LAMP3: variants seen among roughly 807,000 people sequenced by gnomAD.
LAMP3 encodes lysosome associated membrane protein 3.
Under a neutral mutation model 34.8 loss-of-function variants are expected in LAMP3, and 26 were observed. The ratio of observed to expected loss-of-function variants is 0.75; its 90% confidence interval spans 0.55 to 1.04. The LOEUF is 1.04. LAMP3 is among the 50% of genes least tolerant of loss of function. LAMP3 has a pLI of 0.00. For missense variants in LAMP3, 495 were observed against 524.0 expected, an observed-to-expected ratio of 0.94 and a Z score of 0.54; for synonymous variants, 180 against 201.9, an observed-to-expected ratio of 0.89 and a Z score of 0.92.
chr3:183,153,793 A>C lies in LAMP3; in HGVS notation c.648T>G (p.Leu216=). 2 of 1,587,622 alleles carry C rather than the reference A, an allele frequency of 1.3e-6. No individual in the cohort carries two copies. The highest frequency in any genetic ancestry group is 8.6e-7 in the Non-Finnish European group (1 of 1,166,868). The change falls in exon 2 of 6, where the codon CTT becomes CTG. Residue 216 remains leucine, a synonymous_variant. Transcript: ENST00000265598. Reference sequence around the variant, plus strand: ...TCTTGACTGACGATGGCTGAGGTGCAAGGGTGGGCCCAGGAACCGTGGAGG... The same window carrying C: ...TCTTGACTGACGATGGCTGAGGTGCCAGGGTGGGCCCAGGAACCGTGGAGG... ...APASTVPGPT[L]APQPSSVKTG...
rs1223942855 is a variant in LAMP3 at position 183,152,424 on chromosome 3, T to C, written c.839A>G (p.Asn280Ser). The change falls in exon 3 of 6, where the codon AAC becomes AGC. Residue 280 changes from asparagine to serine, a missense_variant. By Grantham distance (46) the Asn-to-Ser change is conservative (BLOSUM62 1). Coordinates refer to ENST00000265598, the MANE Select transcript of LAMP3 (RefSeq NM_014398.4). ...TCCGCCCTGAAAATTCAACAGAAGGTTGGATTTTCGGGTGCCACAGTTCCC... is the reference window on the plus strand; with the variant it reads ...TCCGCCCTGAAAATTCAACAGAAGGCTGGATTTTCGGGTGCCACAGTTCCC... Reference protein sequence around the residue: ...ASGNCGTRKSNLLLNFQGGFV... With the variant: ...ASGNCGTRKSSLLLNFQGGFV... The C allele has an allele frequency of 1.2e-6, 2 of 1,612,714 alleles. No homozygotes were observed. The highest frequency in any genetic ancestry group is 8.5e-7 in the Non-Finnish European group (1 of 1,179,512).
At chr3:183,137,665 CA>C (rs922084755) in intron 4 of LAMP3, among the ~76,000 whole-genome samples, 13 of 152,174 alleles carry the variant, frequency 8.5e-5, no homozygotes, top group African/African-American at 3.1e-4. Flanking sequence ...ACCGTAATTA[CA>C]ACTGATTACT....
rs760457465 is a variant in LAMP3 at position 183,162,470 on chromosome 3, C to A, written c.49+137G>T. 1.6e-4 allele frequency: 130 copies of A among 830,296 alleles called. 1 individual carries two copies. The highest frequency in any genetic ancestry group is 3.8e-4 in the South Asian group (26 of 67,724). 51.4% of individuals were successfully genotyped at this position (830,296 alleles called of 1,614,324 possible). ...CTGAGTAACTCACGGAAAACAAGTT[C>A]CAGCTGGGAAGCCCTTGGACGCGCC... On this transcript the variant is annotated intron_variant, in intron 1 of 5. Coordinates refer to ENST00000265598, the MANE Select transcript of LAMP3 (RefSeq NM_014398.4).
chr3:183,142,101 T>A (rs1720301797), intron 3 of LAMP3, among the ~76,000 whole-genome samples: 1 of 152,202 alleles, frequency 6.6e-6, no homozygotes, highest in Non-Finnish European at 1.5e-5. Context: ...ACATCTCTTT[T>A]AAAAAGAGAC....
At chr3:183,161,873 G>C (rs1417239838) in intron 1 of LAMP3, 2 of 659,500 alleles carry the variant, frequency 3.0e-6, no homozygotes, top group African/African-American at 3.9e-5. Context: ...AAAGTGTGGC[G>C]CAGGGGAGAA....
At chr3:183,149,010 T>TA (rs1275638436) in intron 3 of LAMP3, among the ~76,000 whole-genome samples, 1 of 152,032 alleles carries the variant, frequency 6.6e-6, no homozygotes, top group African/African-American at 2.4e-5. Flanking sequence ...TATTCAGCTG[T>TA]AAAAAAGAAT....
At chr3:183,127,169 C>G (rs1161429386) in intron 5 of LAMP3, among the ~76,000 whole-genome samples, 1 of 152,262 alleles carries the variant, frequency 6.6e-6, no homozygotes, top group South Asian at 2.1e-4. Flanking sequence ...GGGTCTTGCT[C>G]TGTTGCCCAG....
chr3:183,147,613 CA>C (rs1038060740), intron 3 of LAMP3, among the ~76,000 whole-genome samples: 1 of 69,492 alleles, frequency 1.4e-5, no homozygotes, highest in African/African-American at 4.2e-5. Context: ...TCAATGAAAA[CA>C]ATTTTTTTTT....
chr3:183,153,641 C>T (rs754604726), intron 2 of LAMP3, 41 bp downstream of exon 2: 3 of 1,408,164 alleles, frequency 2.1e-6, no homozygotes, highest in Non-Finnish European at 2.9e-6. Flanking sequence ...TCCACTCAGA[C>T]TTTTTGAAGA....
intron 1 of LAMP3, among the ~76,000 whole-genome samples, chr3:183,159,825 A>T (rs1720925964): frequency 6.6e-6 from 1 of 152,194 alleles, no homozygotes; most frequent in Non-Finnish European, 1.5e-5. Flanking sequence ...AAGTGTTAAG[A>T]TCATGTGGGC....
chr3:183,131,613 C>G (rs1328453460), intron 5 of LAMP3, among the ~76,000 whole-genome samples: 1 of 152,126 alleles, frequency 6.6e-6, no homozygotes, highest in East Asian at 1.9e-4. Flanking sequence ...TGTGCCCTCC[C>G]CACAGCCCCA....
Position 183,153,925 on chromosome 3 carries a change from T to A in LAMP3, c.516A>T (p.Leu172Phe). ...PSNQTTLPAT[L>F]SIALHKSTTG... The stretch of plus-strand genomic sequence containing the variant: ...TTGTGCTTTTGTGCAGTGCTATCGA[T>A]AAAGTTGCTGGAAGGGTGGTCTGGT... The change falls in exon 2 of 6, where the codon TTA becomes TTT. Residue 172 changes from leucine to phenylalanine, a missense_variant. Leu to Phe is a conservative substitution (Grantham distance 22). Transcript: ENST00000265598. 1 of 1,614,146 alleles carries A rather than the reference T, an allele frequency of 6.2e-7. No homozygotes were observed. The highest frequency in any genetic ancestry group is 2.2e-5 in the East Asian group (1 of 44,888).
rs145246278 is a variant in LAMP3 at position 183,161,937 on chromosome 3, C to T, written c.49+670G>A. 126 of 984,804 alleles carry T rather than the reference C, an allele frequency of 1.3e-4. No homozygotes were observed. In the African/African-American group the frequency reaches 2.0e-3, roughly 16 times the overall value. The allele number at this position is 984,804 out of a possible 1,614,324, so 61.0% of individuals were successfully genotyped here. On this transcript the variant is annotated intron_variant, in intron 1 of 5. Transcript: ENST00000265598. Reference sequence around the variant, plus strand: ...CCTTCTCACCTCTTCCCTAACATTCCTAGCATTCATGTTACAAGCAAGGGC... The same window carrying T: ...CCTTCTCACCTCTTCCCTAACATTCTTAGCATTCATGTTACAAGCAAGGGC...
intron 5 of LAMP3, chr3:183,132,009 T>C (rs931293790): frequency 2.1e-5 from 21 of 985,260 alleles, no homozygotes; most frequent in Non-Finnish European, 2.4e-5. Context: ...TGCCATTCCA[T>C]ATTGTCTCCC....
Position 183,162,604 on chromosome 3 carries a change from C to T in LAMP3, c.49+3G>A. 6.5e-7 allele frequency: 1 copy of T among 1,547,338 alleles called. No homozygotes were observed. The highest frequency in any genetic ancestry group is 1.2e-5 in the South Asian group (1 of 84,048). On this transcript the variant is annotated splice_donor_region_variant and intron_variant, in intron 1 of 5. Coordinates refer to ENST00000265598, the MANE Select transcript of LAMP3 (RefSeq NM_014398.4). ...ACCGCGGGAAGCGCTGAGGGCCACT[C>T]ACCGGCCAGGGACGCGAAGAGCGCG...
At chr3:183,151,407 C>CGTGTATGG (rs1720626523) in intron 3 of LAMP3, among the ~76,000 whole-genome samples, 1 of 151,228 alleles carries the variant, frequency 6.6e-6, no homozygotes. Flanking sequence ...CGCCACTTCC[C>CGTGTATGG]GTGTATGGGG....
chr3:183,124,498 G>C lies in LAMP3; in HGVS notation c.1118-284C>G, dbSNP rs528939918. On this transcript the variant is annotated intron_variant, in intron 5 of 5. Coordinates refer to ENST00000265598, the MANE Select transcript of LAMP3 (RefSeq NM_014398.4). The stretch of plus-strand genomic sequence containing the variant: ...CCTTATTTCCTGAACTGAGTAAGAA[G>C]TCACTCCAGGCATACTCCCTGCTAA... Among the ~76,000 whole-genome samples, 12 of 152,274 alleles carry C rather than the reference G, an allele frequency of 7.9e-5. No individual in the cohort carries two copies. In the South Asian group the frequency reaches 1.7e-3, roughly 21 times the overall value.
At chr3:183,163,365 G>C (rs1190722375), upstream of LAMP3, among the ~76,000 whole-genome samples, 1 of 149,128 alleles carries the variant, frequency 6.7e-6, no homozygotes, top group Non-Finnish European at 1.5e-5. Context: ...TGCAGTGGCG[G>C]GATCTCGGCT....
intron 3 of LAMP3, 65 bp from the exon 4 acceptor site, chr3:183,140,660 T>C (rs1175740677): frequency 3.6e-6 from 4 of 1,111,962 alleles, no homozygotes; most frequent in Non-Finnish European, 5.5e-6. Context: ...TCTTGGTTTA[T>C]AAACTTTGTT....
Sources: gnomAD v4.1 joint callset for allele counts (sites outside exome capture counted in the v4.1 genomes callset) on GRCh38, gnomAD v4.1.1 for gene constraint, MANE v1.5 for transcripts, NCBI Gene and HGNC (gene_info 2026-07-23, HGNC 2026-07-21) for gene names.